The following HK1 variants were observed in gnomAD, a reference collection of about 807,000 sequenced individuals.
HK1 encodes the protein hexokinase-1.
In HK1, 28 loss-of-function variants were observed where a neutral mutation model predicts 91.6. The observed-to-expected ratio is 0.31, with a 90% confidence interval of 0.23 to 0.42. The LOEUF is 0.42. HK1 is among the 10% of genes least tolerant of loss of function. The pLI is 1.00. For synonymous variants in HK1, 430 were observed against 468.1 expected, an observed-to-expected ratio of 0.92 and a Z score of 1.05; for missense variants, 770 against 1,219.8, an observed-to-expected ratio of 0.63 and a Z score of 5.49.
upstream of HK1, among the ~76,000 whole-genome samples, chr10:69,311,346 T>G (rs1279648200): frequency 2.0e-5 from 3 of 152,232 alleles, no homozygotes; most frequent in African/African-American, 7.2e-5. Context: ...AATCAGATGA[T>G]GAGGAGGATG....
At chr10:69,290,154 CA>C (rs2132459559) in intron 3 of HK1, among the ~76,000 whole-genome samples, 1 of 152,220 alleles carries the variant, frequency 6.6e-6, no homozygotes, top group South Asian at 2.1e-4. Flanking sequence ...AAGACAAACA[CA>C]GTGCTCATAC....
At chr10:69,384,309 T>TCTTTA in intron 10 of HK1, 24 bp from the exon 11 acceptor site, 1 of 1,614,236 alleles carries the variant, frequency 6.2e-7, no homozygotes. Flanking sequence ...TTTTTGACAT[T>TCTTTA]CTTTACGCTT....
intron 11 of HK1, 90 bp from the exon 12 acceptor site, chr10:69,384,706 C>CGT (rs1020356850): frequency 2.0e-5 from 30 of 1,528,012 alleles, no homozygotes; most frequent in South Asian, 3.4e-5. Flanking sequence ...TGTTTTCCTA[C>CGT]GTGTGTGTGT....
intron 2 of HK1, among the ~76,000 whole-genome samples, chr10:69,286,195 C>A (rs1176647822): frequency 6.6e-6 from 1 of 152,124 alleles, no homozygotes; most frequent in African/African-American, 2.4e-5. Context: ...TCTACAAAAA[C>A]AAAGTTAAAT....
At position 69,369,910 on chromosome 10, in the gene HK1, G is replaced by T. The variant is rs1183948947; in HGVS notation, c.875+286G>T. Among the ~76,000 whole-genome samples, 2 of 152,034 alleles carry T rather than the reference G, an allele frequency of 1.3e-5. No homozygotes were observed. The highest frequency in any genetic ancestry group is 3.9e-4 in the East Asian group (2 of 5,184). On this transcript the variant is annotated intron_variant, in intron 7 of 17. Coordinates refer to ENST00000359426, the MANE Select transcript of HK1 (RefSeq NM_000188.3). This position sits in a 1 kb window ranked among gnomAD's most constrained non-coding sequence, Gnocchi z 4.4. Reference sequence around the variant, plus strand: ...GCATCACCATGCCCAGCTAATTTTTGTATTTTTAGTAGAGACAGAGTTTCA... The same window carrying T: ...GCATCACCATGCCCAGCTAATTTTTTTATTTTTAGTAGAGACAGAGTTTCA...
chr10:69,308,946 C>G (rs924252287), intron 5 of HK1, among the ~76,000 whole-genome samples: 3 of 152,168 alleles, frequency 2.0e-5, no homozygotes, highest in Non-Finnish European at 4.4e-5. Flanking sequence ...CAGTCCCTAA[C>G]AGGCCACAGA....
In HK1 at chr10:69,384,584, G is replaced by C; in HGVS notation, c.1719+103G>C. 14 of 1,490,514 alleles carry C rather than the reference G, an allele frequency of 9.4e-6. No homozygotes were observed. In the South Asian group the frequency reaches 1.5e-4, roughly 16 times the overall value. 92.3% of individuals were successfully genotyped at this position (1,490,514 alleles called of 1,614,324 possible). A position where few individuals can be genotyped will look rare whatever the true frequency, so the allele number is the denominator to read the frequency against. ...CGCCACGGGGTGCCCACATGGATTTGTGTCCTTGTGGCCCAGAAGCACCAG... is the reference window on the plus strand; with the variant it reads ...CGCCACGGGGTGCCCACATGGATTTCTGTCCTTGTGGCCCAGAAGCACCAG... On this transcript the variant is annotated intron_variant, in intron 11 of 17. Transcript: ENST00000359426.
intron 17 of HK1, 90 bp from the exon 18 acceptor site, chr10:69,400,901 T>C (rs1015028515): frequency 1.5e-6 from 2 of 1,363,424 alleles, no homozygotes; most frequent in Non-Finnish European, 1.0e-6. Context: ...TCATCACCAG[T>C]CAGGGGGCTG....
chr10:69,270,785 C>G (rs897092998), intron 1 of HK1, among the ~76,000 whole-genome samples: 5 of 152,170 alleles, frequency 3.3e-5, no homozygotes, highest in Admixed American at 1.3e-4. Context: ...CTGTCTTTCT[C>G]CCATTAGCTG....
chr10:69,316,139 G>A (rs539691919), upstream of HK1: 34 of 822,696 alleles, frequency 4.1e-5, no homozygotes, highest in South Asian at 1.8e-4. Context: ...AACAAATGGA[G>A]TGGACATGGT....
chr10:69,386,149 G>A (rs1839619245), intron 12 of HK1, among the ~76,000 whole-genome samples, 174 bp from the exon 13 acceptor site: 1 of 152,182 alleles, frequency 6.6e-6, no homozygotes. Context: ...ACCCCTATGA[G>A]GATGGTGAGG....
upstream of HK1, chr10:69,318,208 A>G (rs2132559628): frequency 1.0e-6 from 1 of 985,316 alleles, no homozygotes; most frequent in Non-Finnish European, 1.2e-6. Context: ...CGCCGGGGAG[A>G]GGTGATGCAC....
chr10:69,288,469 G>A (rs567747222), intron 2 of HK1, among the ~76,000 whole-genome samples: 2 of 152,212 alleles, frequency 1.3e-5, no homozygotes, highest in South Asian at 2.1e-4. Context: ...TTCTAGTCTG[G>A]GCAACAGAGC....
At chr10:69,335,255 G>T (rs1322615768) in intron 1 of HK1, among the ~76,000 whole-genome samples, 2 of 152,234 alleles carry the variant, frequency 1.3e-5, no homozygotes, top group Non-Finnish European at 2.9e-5. Context: ...CACAGACCAC[G>T]GTGCGGGCCC....
At chr10:69,370,944 G>A (rs1476732375) in intron 7 of HK1, among the ~76,000 whole-genome samples, 1 of 152,160 alleles carries the variant, frequency 6.6e-6, no homozygotes, top group East Asian at 1.9e-4. Context: ...CAGCCTCCCA[G>A]CAGCCTTATC....
intron 2 of HK1, among the ~76,000 whole-genome samples, chr10:69,283,798 C>CAAAA (rs571297748): frequency 0.013 from 845 of 67,380 alleles, 29 homozygotes; most frequent in South Asian, 0.04. Context: ...GACTCTGTCT[C>CAAAA]AAAAAAAAAA....
chr10:69,345,733 C>CCAGGGA (rs1169676695), intron 2 of HK1, among the ~76,000 whole-genome samples: 1 of 152,108 alleles, frequency 6.6e-6, no homozygotes, highest in Non-Finnish European at 1.5e-5. Context: ...CAGCTGTGTC[C>CCAGGGA]CAGGGACCTA....
intron 15 of HK1, among the ~76,000 whole-genome samples, chr10:69,393,949 A>T (rs376477704): frequency 2.0e-5 from 3 of 152,244 alleles, no homozygotes; most frequent in African/African-American, 4.8e-5. Flanking sequence ...CGGGGGGATC[A>T]GCAAGTGTTG....
chr10:69,309,595 A>G (rs921667141), intron 5 of HK1, among the ~76,000 whole-genome samples: 2 of 147,932 alleles, frequency 1.4e-5, no homozygotes, highest in African/African-American at 2.5e-5. Flanking sequence ...AGGTCAGGAA[A>G]TTGAGACCAT....
Sources: allele counts gnomAD v4.1 joint callset (sites outside exome capture counted in the v4.1 genomes callset), GRCh38; gene constraint gnomAD v4.1.1; non-coding constraint Gnocchi (gnomAD v3.1); transcripts MANE v1.5; gene names NCBI Gene and HGNC (gene_info 2026-07-23, HGNC 2026-07-21).